Variants in HIVEP3 observed in about 807,000 individuals in gnomAD.
The protein encoded by HIVEP3 is HIVEP zinc finger 3.
In HIVEP3, 49 loss-of-function variants were observed where a neutral mutation model predicts 152.8. The ratio of observed to expected loss-of-function variants is 0.32; its 90% CI spans 0.26 to 0.41. HIVEP3 has a LOEUF of 0.41. HIVEP3 is among the 10% of genes least tolerant of loss of function. The pLI is 1.00. For synonymous variants in HIVEP3, 1,269 were observed against 1,289.0 expected (o/e 0.98, Z 0.33); for missense variants, 2,790 against 3,103.3 (o/e 0.90, Z 2.40).
chr1:41,794,497 C>T (rs1345567992), intron 1 of HIVEP3, among the ~76,000 whole-genome samples: 3 of 152,182 alleles, frequency 2.0e-5, no homozygotes, highest in Non-Finnish European at 4.4e-5. Context: ...TGCTTTTATA[C>T]TGCCAAAATG....
At chr1:41,964,515 A>G (rs1307394255) in intron 1 of HIVEP3, among the ~76,000 whole-genome samples, 1 of 152,232 alleles carries the variant, frequency 6.6e-6, no homozygotes, top group Non-Finnish European at 1.5e-5. Context: ...AGACTGCCTA[A>G]GATGACCAAG....
chr1:41,627,326 C>T (rs1645131529), intron 3 of HIVEP3, among the ~76,000 whole-genome samples: 1 of 152,212 alleles, frequency 6.6e-6, no homozygotes, highest in Non-Finnish European at 1.5e-5. Context: ...AGCAATTTGC[C>T]TCTTAAACCA....
chr1:41,640,041 C>T (rs1419945809), intron 2 of HIVEP3, among the ~76,000 whole-genome samples: 2 of 152,128 alleles, frequency 1.3e-5, no homozygotes, highest in Non-Finnish European at 2.9e-5. Context: ...ATAACATATT[C>T]CATTTAGTGG....
chr1:41,595,530 G>A (rs935864804), intron 3 of HIVEP3, among the ~76,000 whole-genome samples: 6 of 152,150 alleles, frequency 3.9e-5, no homozygotes, highest in Non-Finnish European at 5.9e-5. Flanking sequence ...GCTGGGTTTT[G>A]AACTATGGGA....
At chr1:41,885,988 A>C (rs1644340314) in intron 1 of HIVEP3, among the ~76,000 whole-genome samples, 1 of 152,184 alleles carries the variant, frequency 6.6e-6, no homozygotes, top group African/African-American at 2.4e-5. Flanking sequence ...CTAAGGAAGA[A>C]AGTTTCAGGG....
chr1:41,544,652 TACCACCACTACTACCACCACCACC>T (rs1643622501), intron 5 of HIVEP3, among the ~76,000 whole-genome samples: 1 of 100,262 alleles, frequency 1.0e-5, no homozygotes, highest in Non-Finnish European at 2.0e-5. Context: ...CCACCACCAC[TACCACCACTACTACCACCACCACC>T]ACCTCTACCA....
chr1:41,984,034 C>A (rs901628164), intron 1 of HIVEP3, among the ~76,000 whole-genome samples: 3 of 152,204 alleles, frequency 2.0e-5, no homozygotes, highest in Non-Finnish European at 4.4e-5. Flanking sequence ...TGCAATGGCA[C>A]AATCTTGGCT....
At chr1:41,897,981 G>GA (rs1644561129) in intron 1 of HIVEP3, among the ~76,000 whole-genome samples, 1 of 142,402 alleles carries the variant, frequency 7.0e-6, no homozygotes, top group Non-Finnish European at 1.5e-5. Context: ...GAGAGAGAGA[G>GA]GTGCTGGGAG....
At chr1:41,973,163 A>G (rs1428289641) in intron 1 of HIVEP3, among the ~76,000 whole-genome samples, 1 of 152,224 alleles carries the variant, frequency 6.6e-6, no homozygotes, top group African/African-American at 2.4e-5. Flanking sequence ...AGGAACAAAG[A>G]GATCAGGGTG....
chr1:41,869,538 G>A (rs1298740260), intron 1 of HIVEP3: 4 of 152,252 alleles, frequency 2.6e-5, no homozygotes, highest in East Asian at 1.9e-4. Flanking sequence ...ACCAAAGTAC[G>A]AAACTCACAT....
chr1:41,734,288 C>A (rs1310232432), intron 1 of HIVEP3, among the ~76,000 whole-genome samples: 1 of 152,236 alleles, frequency 6.6e-6, no homozygotes, highest in Non-Finnish European at 1.5e-5. Flanking sequence ...GCCAGTAAAC[C>A]TCTCTTTTCA....
At position 41,510,351 on chromosome 1, in the gene HIVEP3, G is replaced by A. The variant is rs1644431393; in HGVS notation, c.*100C>T. 9.2e-7 allele frequency: 1 copy of A among 1,081,852 alleles called. No homozygotes were observed. The highest frequency in any genetic ancestry group is 1.2e-6 in the Non-Finnish European group (1 of 805,076). The allele number at this position is 1,081,852 out of a possible 1,614,324, so 67.0% of individuals were successfully genotyped here. ...GGGCCGTGAGAGCTCCTGGACGGAG[G>A]GACAGATGGGGCTGAGGAAGTGGGA... On this transcript the variant is annotated 3_prime_UTR_variant, in exon 9 of 9. Transcript: ENST00000372583.
intron 2 of HIVEP3, among the ~76,000 whole-genome samples, chr1:41,635,022 T>C (rs962749727): frequency 6.6e-6 from 1 of 152,200 alleles, no homozygotes; most frequent in Non-Finnish European, 1.5e-5. Flanking sequence ...AAACACCTTT[T>C]TCTCAAATGT....
Position 41,510,346 on chromosome 1 carries a change from C to T in HIVEP3, c.*105G>A, listed in dbSNP as rs678110. The T allele has an allele frequency of 0.59, 598,703 of 1,016,486 alleles. 182,113 individuals carry two copies. The highest frequency in any genetic ancestry group is 1 in the East Asian group (32,285 of 32,374). The allele number at this position is 1,016,486 out of a possible 1,614,324, so 63.0% of individuals were successfully genotyped here. On this transcript the variant is annotated 3_prime_UTR_variant, in exon 9 of 9. Coordinates refer to ENST00000372583, the MANE Select transcript of HIVEP3 (RefSeq NM_024503.5). ...AGATGGGGCCGTGAGAGCTCCTGGA[C>T]GGAGGGACAGATGGGGCTGAGGAAG...
At chr1:41,981,779 T>A (rs1275990079) in intron 1 of HIVEP3, among the ~76,000 whole-genome samples, 1 of 152,224 alleles carries the variant, frequency 6.6e-6, no homozygotes, top group Admixed American at 6.5e-5. Flanking sequence ...TTCTACATAC[T>A]TTTAAAGGTG....
intron 1 of HIVEP3, among the ~76,000 whole-genome samples, chr1:41,758,786 G>C (rs11210521): frequency 0.48 from 73,477 of 152,014 alleles, 20,158 homozygotes; most frequent in Non-Finnish European, 0.63. Context: ...TGATTGATTT[G>C]TAAGATTTTC....
At chr1:41,863,436 T>C (rs1215832702) in intron 1 of HIVEP3, among the ~76,000 whole-genome samples, 3 of 152,048 alleles carry the variant, frequency 2.0e-5, no homozygotes, top group Admixed American at 6.5e-5. Flanking sequence ...GGCTCAAAAA[T>C]AATATAGGTT....
chr1:41,920,168 T>C (rs1172537275), upstream of HIVEP3, among the ~76,000 whole-genome samples: 3 of 152,190 alleles, frequency 2.0e-5, no homozygotes, highest in African/African-American at 7.2e-5. Flanking sequence ...AAAATTATCA[T>C]ATTTCATGTG....
intron 1 of HIVEP3, among the ~76,000 whole-genome samples, chr1:41,816,818 C>T (rs1651296296): frequency 6.6e-6 from 1 of 152,228 alleles, no homozygotes; most frequent in African/African-American, 2.4e-5. Context: ...GCATTCCTAA[C>T]ACACCACTTG....
Sources: allele counts gnomAD v4.1 joint callset (sites outside exome capture counted in the v4.1 genomes callset), GRCh38; gene constraint gnomAD v4.1.1; transcripts MANE v1.5; gene names NCBI Gene and HGNC (gene_info 2026-07-23, HGNC 2026-07-21).